Variants in BNC2 observed in about 807,000 individuals in gnomAD.
BNC2 encodes the protein zinc finger protein basonuclin-2.
A neutral mutation model predicts 76.3 loss-of-function variants in BNC2; 20 were observed. The observed-to-expected ratio is 0.26, with a 90% CI of 0.18 to 0.38. BNC2 has a LOEUF of 0.38. BNC2 is among the 10% of genes least tolerant of loss of function. The pLI is 1.00. For synonymous variants in BNC2, 582 were observed against 514.8 expected (o/e 1.13, Z -1.77); for missense variants, 1,382 against 1,399.8 (o/e 0.99, Z 0.20).
chr9:16,861,615 G>A (rs1048550417), intron 1 of BNC2, among the ~76,000 whole-genome samples: 1 of 152,100 alleles, frequency 6.6e-6, no homozygotes, highest in South Asian at 2.1e-4. Context: ...CAAAACCACA[G>A]AGATATCACT....
intron 1 of BNC2, among the ~76,000 whole-genome samples, chr9:16,747,009 C>G (rs542559548): frequency 6.6e-6 from 1 of 151,782 alleles, no homozygotes; most frequent in South Asian, 2.1e-4. Context: ...ATTATACTTT[C>G]CACCTAACAG....
At chr9:16,613,090 G>T (rs1820596870) in intron 3 of BNC2, among the ~76,000 whole-genome samples, 1 of 152,150 alleles carries the variant, frequency 6.6e-6, no homozygotes, top group African/African-American at 2.4e-5. Flanking sequence ...GGACCATAAG[G>T]TTAGAAAGGT....
intron 1 of BNC2, among the ~76,000 whole-genome samples, chr9:16,826,121 TTAC>T (rs1178251040): frequency 2.0e-5 from 3 of 152,126 alleles, no homozygotes. Flanking sequence ...CAGCTGGATC[TTAC>T]TTACCACCAT....
At chr9:16,613,425 A>T (rs1024746335) in intron 3 of BNC2, among the ~76,000 whole-genome samples, 1 of 152,236 alleles carries the variant, frequency 6.6e-6, no homozygotes, top group African/African-American at 2.4e-5. Flanking sequence ...TCAAAAGGAA[A>T]GGTGGCCCCA....
intron 4 of BNC2, among the ~76,000 whole-genome samples, chr9:16,558,700 G>A (rs559448785): frequency 2.8e-4 from 42 of 152,246 alleles, no homozygotes; most frequent in Admixed American, 2.2e-3. Flanking sequence ...GGAGGTTGAG[G>A]CGGGCGGATC....
intron 3 of BNC2, among the ~76,000 whole-genome samples, chr9:16,677,546 C>T (rs1448967283): frequency 2.1e-5 from 3 of 144,842 alleles, no homozygotes; most frequent in African/African-American, 5.3e-5. Flanking sequence ...GCACTCCAGC[C>T]CGGGGGACAA....
Position 16,668,522 on chromosome 9 carries a change from T to C in BNC2, c.330+59275A>G, listed in dbSNP as rs566321635. Among the ~76,000 whole-genome samples the C allele has an allele frequency of 5.9e-5, 9 of 152,352 alleles. No homozygotes were observed. The South Asian group carries it at 1.9e-3, about 32-fold the overall frequency. On this transcript the variant is annotated intron_variant, in intron 3 of 6. Transcript: ENST00000380672. ...AAACATACTTAACAACGTCAGGATG[T>C]ACTTTAAACAATTTTAAACCCCTCT...
chr9:16,783,266 A>G (rs1393241469), intron 1 of BNC2, among the ~76,000 whole-genome samples: 3 of 152,196 alleles, frequency 2.0e-5, no homozygotes, highest in Admixed American at 1.3e-4. Context: ...AAAGTAAATA[A>G]AACATTCTGC....
intron 3 of BNC2, among the ~76,000 whole-genome samples, chr9:16,695,756 C>T (rs1042392851): frequency 2.0e-5 from 3 of 152,070 alleles, no homozygotes; most frequent in East Asian, 1.9e-4. Flanking sequence ...TCTGTGTGAA[C>T]AGGGCTCCCA....
intron 5 of BNC2, among the ~76,000 whole-genome samples, chr9:16,512,785 G>C (rs1822789292): frequency 6.6e-6 from 1 of 152,100 alleles, no homozygotes; most frequent in Admixed American, 6.6e-5. Context: ...TTTTACTGGA[G>C]AAGGGTAGCA....
chr9:16,792,760 A>G (rs1366561324), intron 1 of BNC2, among the ~76,000 whole-genome samples: 2 of 152,256 alleles, frequency 1.3e-5, no homozygotes, highest in Non-Finnish European at 2.9e-5. Flanking sequence ...CAAGGTATGT[A>G]AAACCAACAA....
chr9:16,866,560 T>G (rs2136232163), intron 1 of BNC2, among the ~76,000 whole-genome samples: 1 of 151,974 alleles, frequency 6.6e-6, no homozygotes, highest in South Asian at 2.1e-4. Context: ...AGTATCTGGT[T>G]GCATTTTGCC....
intron 1 of BNC2, among the ~76,000 whole-genome samples, chr9:16,783,287 C>T (rs538939449): frequency 6.6e-6 from 1 of 152,264 alleles, no homozygotes; most frequent in Non-Finnish European, 1.5e-5. Context: ...ACACTGCTCA[C>T]CATAAATCTT....
intron 1 of BNC2, among the ~76,000 whole-genome samples, chr9:16,838,288 C>T (rs1489863305): frequency 6.6e-6 from 1 of 152,194 alleles, no homozygotes; most frequent in Non-Finnish European, 1.5e-5. Context: ...GGCATGGTGG[C>T]TCACACCTGC....
rs1035687047 is a variant in BNC2, at chr9:16,413,040, A to T, written c.*5949T>A. ...AGCGTTCACATTACTGGAAGGTAAT[A>T]AAGTGACAAGTATGTTATTAGAAAG... On this transcript the variant is annotated 3_prime_UTR_variant, in exon 7 of 7. Transcript: ENST00000380672. 5 of 152,764 alleles carry T rather than the reference A, an allele frequency of 3.3e-5. No individual in the cohort carries two copies. In the South Asian group the frequency reaches 1.0e-3, roughly 32 times the overall value. 9.5% of individuals were successfully genotyped at this position (152,764 alleles called of 1,614,324 possible). A position where few individuals can be genotyped will look rare whatever the true frequency, so the allele number is the denominator to read the frequency against.
intron 5 of BNC2, among the ~76,000 whole-genome samples, chr9:16,482,839 A>G (rs895978215): frequency 6.6e-6 from 1 of 152,160 alleles, no homozygotes; most frequent in Non-Finnish European, 1.5e-5. Context: ...GGAGTCACTG[A>G]ACCCCTCAGA....
intron 5 of BNC2, among the ~76,000 whole-genome samples, chr9:16,506,513 CTTTTTTTTTTTTTTTTT>C (rs568955982): frequency 1.6e-3 from 68 of 43,354 alleles, no homozygotes; most frequent in African/African-American, 4.9e-3. Context: ...TCTCTCTCCT[CTTTTTTTTTTTTTTTTT>C]TTTTTTTTTT....
At chr9:16,713,797 G>A (rs1264008906) in intron 3 of BNC2, among the ~76,000 whole-genome samples, 1 of 152,074 alleles carries the variant, frequency 6.6e-6, no homozygotes, top group African/African-American at 2.4e-5. Context: ...ATTTTGGCTG[G>A]GCGTGGTGCC....
At chr9:16,578,418 C>T (rs1330333265) in intron 4 of BNC2, among the ~76,000 whole-genome samples, 1 of 152,008 alleles carries the variant, frequency 6.6e-6, no homozygotes, top group African/African-American at 2.4e-5. Context: ...TTACATCATG[C>T]CTCCTGTTTT....
Sources: gnomAD v4.1 joint callset for allele counts (sites outside exome capture counted in the v4.1 genomes callset) on GRCh38, gnomAD v4.1.1 for gene constraint, MANE v1.5 for transcripts, NCBI Gene and HGNC (gene_info 2026-07-23, HGNC 2026-07-21) for gene names.